THSD4: variants seen among roughly 807,000 people sequenced by gnomAD.
The protein encoded by THSD4 is thrombospondin type 1 domain containing 4.
A neutral mutation model predicts 119.0 loss-of-function variants in THSD4; 69 were observed. The ratio of observed to expected loss-of-function variants is 0.58; its 90% CI spans 0.48 to 0.71. The LOEUF is 0.71. THSD4 is among the 30% of genes least tolerant of loss of function. The probability of loss-of-function intolerance (pLI) is 0.00; values close to 1 mark genes in which losing one functional copy is unlikely to be tolerated. For synonymous variants in THSD4, 524 were observed against 540.4 expected (o/e 0.97, Z 0.42); for missense variants, 1,393 against 1,391.1 (o/e 1.00, Z -0.02).
At chr15:71,531,655 G>A (rs2048611778) in intron 7 of THSD4, among the ~76,000 whole-genome samples, 1 of 152,228 alleles carries the variant, frequency 6.6e-6, no homozygotes, top group Non-Finnish European at 1.5e-5. Context: ...ATTTAAAACA[G>A]AGAATACACT....
At chr15:71,774,743 C>G (rs2140253571) in intron 17 of THSD4, among the ~76,000 whole-genome samples, 1 of 151,398 alleles carries the variant, frequency 6.6e-6, no homozygotes, top group South Asian at 2.1e-4. Flanking sequence ...AGTCACGGCA[C>G]CTCAGCCTGA....
intron 6 of THSD4, among the ~76,000 whole-genome samples, chr15:71,334,682 T>C (rs562938712): frequency 6.6e-6 from 1 of 152,334 alleles, no homozygotes; most frequent in South Asian, 2.1e-4. Context: ...TGCCAGTGTC[T>C]GACCCAAGCC....
intron 7 of THSD4, among the ~76,000 whole-genome samples, chr15:71,440,601 A>G (rs1309930171): frequency 6.6e-6 from 1 of 152,222 alleles, no homozygotes; most frequent in Non-Finnish European, 1.5e-5. Flanking sequence ...TATAGATCAT[A>G]TAGCACAAGT....
chr15:71,557,400 T>A (rs1285681697), intron 7 of THSD4, among the ~76,000 whole-genome samples: 3 of 152,220 alleles, frequency 2.0e-5, no homozygotes, highest in East Asian at 3.9e-4. Flanking sequence ...GAGGGTTCTT[T>A]AAAAAAATAT....
At chr15:71,261,665 T>C (rs1341077357) in intron 6 of THSD4, among the ~76,000 whole-genome samples, 1 of 152,048 alleles carries the variant, frequency 6.6e-6, no homozygotes, top group Admixed American at 6.5e-5. Flanking sequence ...GAAGAGGAGA[T>C]AGGGAAGTGG....
intron 6 of THSD4, among the ~76,000 whole-genome samples, chr15:71,276,166 C>T (rs1178126684): frequency 6.6e-6 from 1 of 152,214 alleles, no homozygotes; most frequent in Non-Finnish European, 1.5e-5. Context: ...CCCCTCTTTC[C>T]TTTTATCTGG....
intron 8 of THSD4, among the ~76,000 whole-genome samples, chr15:71,683,621 G>A (rs2051843964): frequency 6.6e-6 from 1 of 152,206 alleles, no homozygotes; most frequent in Non-Finnish European, 1.5e-5. Flanking sequence ...ATTCCAACCT[G>A]ATTCATGCCC....
chr15:71,732,892 T>A (rs2053009739), intron 10 of THSD4: 1 of 152,158 alleles, frequency 6.6e-6, no homozygotes, highest in Admixed American at 6.5e-5. Flanking sequence ...GATAACCAGG[T>A]TATCTGATTG....
chr15:71,359,277 T>C (rs999364036), intron 6 of THSD4, among the ~76,000 whole-genome samples: 4 of 152,250 alleles, frequency 2.6e-5, no homozygotes, highest in African/African-American at 4.8e-5. Flanking sequence ...CTGACCCCCA[T>C]TGCATCATTC....
chr15:71,341,367 G>A (rs993435208), intron 6 of THSD4: 4 of 1,610,728 alleles, frequency 2.5e-6, no homozygotes, highest in Non-Finnish European at 3.4e-6. Flanking sequence ...ACTTGGATAT[G>A]CTCAATGACC....
At chr15:71,302,919 T>G (rs2044972128) in intron 6 of THSD4, among the ~76,000 whole-genome samples, 1 of 152,134 alleles carries the variant, frequency 6.6e-6, no homozygotes. Flanking sequence ...GGTCTTGCAG[T>G]CATCTACATA....
Position 71,748,438 on chromosome 15 carries a change from C to T in THSD4, c.2259C>T (p.Gly753=), listed in dbSNP as rs201915441. The T allele has an allele frequency of 8.2e-4, 1,323 of 1,614,132 alleles. No homozygotes were observed. The highest frequency in any genetic ancestry group is 1.0e-3 in the Non-Finnish European group (1,198 of 1,180,010). The part of the protein sequence containing the change: ...TDWTSCSVPC[G]VGQRTRDVKC... Reference sequence around the variant, plus strand: ...TGTTTCAGTGCTCGGTGCCCTGCGGCGTGGGACAGAGGACCCGTGATGTGA... The same window carrying T: ...TGTTTCAGTGCTCGGTGCCCTGCGGTGTGGGACAGAGGACCCGTGATGTGA... Residue 753 remains glycine, a synonymous_variant, in exon 14 of 18, where the codon GGC becomes GGT. Transcript: ENST00000261862.
chr15:71,383,500 T>C (rs1197936824), intron 6 of THSD4, among the ~76,000 whole-genome samples: 3 of 152,240 alleles, frequency 2.0e-5, no homozygotes, highest in Non-Finnish European at 4.4e-5. Context: ...TATTGCGATA[T>C]AAATTTAAAC....
In THSD4 at chr15:71,273,661, C is replaced by T. The variant is rs149497525; in HGVS notation, c.1015+16946C>T. Among the ~76,000 whole-genome samples the T allele has an allele frequency of 2.6e-3, 389 of 152,142 alleles. 3 individuals carry two copies. Among genetic ancestry groups the T allele is most frequent in the African/African-American group, 8.9e-3 (370 of 41,500 alleles). On this transcript the variant is annotated intron_variant, in intron 6 of 17. Coordinates refer to ENST00000261862, the MANE Select transcript of THSD4 (RefSeq NM_024817.3). ...TAAATATATACAAATATTTATCAAT[C>T]GAAATAAAATTTAAAAATACACAGT...
intron 6 of THSD4, among the ~76,000 whole-genome samples, chr15:71,273,471 C>G (rs2044556464): frequency 6.6e-6 from 1 of 152,042 alleles, no homozygotes; most frequent in Non-Finnish European, 1.5e-5. Flanking sequence ...TTTTGGTGAT[C>G]TATTGCACAG....
chr15:71,471,435 C>T (rs1029464976), intron 7 of THSD4, among the ~76,000 whole-genome samples: 1 of 152,008 alleles, frequency 6.6e-6, no homozygotes, highest in Non-Finnish European at 1.5e-5. Flanking sequence ...CTCTTACTCA[C>T]CTAGGCCAGC....
intron 7 of THSD4, among the ~76,000 whole-genome samples, chr15:71,475,572 TCTG>T (rs542348248): frequency 2.0e-3 from 304 of 152,254 alleles, no homozygotes; most frequent in African/African-American, 7.1e-3. Context: ...CTCAGGTAAT[TCTG>T]CTGCTGCTGG....
intron 6 of THSD4, among the ~76,000 whole-genome samples, chr15:71,280,533 C>G (rs900836759): frequency 6.6e-6 from 1 of 152,150 alleles, no homozygotes; most frequent in Non-Finnish European, 1.5e-5. Context: ...ATGATAACAT[C>G]TTTCTTTTTC....
intron 7 of THSD4, among the ~76,000 whole-genome samples, chr15:71,610,752 T>C (rs184488573): frequency 4.6e-5 from 7 of 152,344 alleles, no homozygotes; most frequent in African/African-American, 7.2e-5. Context: ...TGCCCATCTT[T>C]ATAGCTCTTT....
Sources: allele counts gnomAD v4.1 joint callset (sites outside exome capture counted in the v4.1 genomes callset), GRCh38; gene constraint gnomAD v4.1.1; transcripts MANE v1.5; gene names NCBI Gene and HGNC (gene_info 2026-07-23, HGNC 2026-07-21).